RNF217: variants seen among roughly 807,000 people sequenced by gnomAD.
The protein encoded by RNF217 is E3 ubiquitin-protein ligase RNF217.
Under a neutral mutation model 57.8 loss-of-function variants are expected in RNF217, and 31 were observed. The ratio of observed to expected loss-of-function variants is 0.54; its 90% CI spans 0.40 to 0.72. RNF217 has a LOEUF of 0.72. RNF217 is among the 30% of genes least tolerant of loss of function. The pLI is 0.00. For synonymous variants in RNF217, 313 were observed against 294.0 expected (o/e 1.06, Z -0.66); for missense variants, 696 against 708.3 (o/e 0.98, Z 0.20).
intron 1 of RNF217, among the ~76,000 whole-genome samples, chr6:125,006,332 A>G (rs1018627162): frequency 1.3e-5 from 2 of 152,224 alleles, no homozygotes; most frequent in Non-Finnish European, 2.9e-5. Context: ...GCAGGTGATT[A>G]ATAATACTCA....
chr6:125,032,357 A>G (rs748269051), intron 1 of RNF217, among the ~76,000 whole-genome samples: 2 of 152,154 alleles, frequency 1.3e-5, no homozygotes, highest in Non-Finnish European at 2.9e-5. Context: ...CATACCCATA[A>G]TTCTTAATAA....
chr6:125,006,233 A>T (rs984567776), intron 1 of RNF217: 3 of 152,212 alleles, frequency 2.0e-5, no homozygotes, highest in Non-Finnish European at 4.4e-5. Context: ...AAGAAAAATA[A>T]GTTATGAACT....
At chr6:124,976,705 A>G (rs1362199562) in intron 1 of RNF217, among the ~76,000 whole-genome samples, 3 of 151,292 alleles carry the variant, frequency 2.0e-5, no homozygotes, top group Admixed American at 6.6e-5. Context: ...GGGTTTCACC[A>G]TGTTGACCAG....
In RNF217 at chr6:125,081,634, T is replaced by C. The variant is rs775825077; in HGVS notation, c.1555+127T>C. ...ATTTATGTTGTATGCCTGCTTTAGA[T>C]AGATTACCAGCATATCATTTAAAAG... On this transcript the variant is annotated intron_variant, in intron 5 of 5. Transcript: ENST00000521654. 83 of 718,834 alleles carry C rather than the reference T, an allele frequency of 1.2e-4. 2 individuals carry two copies. In the Middle Eastern group the frequency reaches 0.011, roughly 98 times the overall value. The allele number at this position is 718,834 out of a possible 1,614,324, so 44.5% of individuals were successfully genotyped here. A position where few individuals can be genotyped will look rare whatever the true frequency, so the allele number is the denominator to read the frequency against.
At position 125,010,404 on chromosome 6, in the gene RNF217, G is replaced by A. The variant is rs538854202; in HGVS notation, c.883-34807G>A. ...TAATGCATGAAGTGACTTGATGTAA[G>A]AAGTTATAATAAGATATCTGCCTTA... On this transcript the variant is annotated intron_variant, in intron 1 of 5. Coordinates refer to ENST00000521654, the MANE Select transcript of RNF217 (RefSeq NM_001286398.3). Among the ~76,000 whole-genome samples the A allele has an allele frequency of 8.3e-4, 127 of 152,262 alleles. 3 individuals are homozygous for A. In the South Asian group the frequency reaches 0.025, roughly 30 times the overall value.
Position 124,992,407 on chromosome 6 carries a change from A to G in RNF217, c.882+28981A>G, listed in dbSNP as rs147850446. Among the ~76,000 whole-genome samples the G allele has an allele frequency of 1.6e-3, 248 of 152,300 alleles. 1 individual carries two copies. The highest frequency in any genetic ancestry group is 5.7e-3 in the African/African-American group (237 of 41,568). On this transcript the variant is annotated intron_variant, in intron 1 of 5. Coordinates refer to ENST00000521654, the MANE Select transcript of RNF217 (RefSeq NM_001286398.3). ...GTCAAGCAGGAGAAAATAAGAAACT[A>G]AGAGGCTATAGAACATTGATTTTAA...
At chr6:125,059,264 C>CT (rs1399905475) in intron 3 of RNF217, among the ~76,000 whole-genome samples, 2 of 152,084 alleles carry the variant, frequency 1.3e-5, no homozygotes, top group African/African-American at 4.8e-5. Context: ...CTAAAGTTTT[C>CT]TTTGTTTTCC....
chr6:125,028,957 A>G (rs1786230143), intron 1 of RNF217, among the ~76,000 whole-genome samples: 1 of 152,122 alleles, frequency 6.6e-6, no homozygotes, highest in Non-Finnish European at 1.5e-5. Flanking sequence ...CAGTTGTAAC[A>G]TGTGAGAAAA....
intron 4 of RNF217, among the ~76,000 whole-genome samples, chr6:125,077,960 C>A (rs929048338): frequency 6.6e-6 from 1 of 152,134 alleles, no homozygotes; most frequent in Non-Finnish European, 1.5e-5. Flanking sequence ...AAAGATAGAA[C>A]ATGTATACGC....
rs547184702 is a variant in RNF217 at position 124,990,448 on chromosome 6, T to C, written c.882+27022T>C. On this transcript the variant is annotated intron_variant, in intron 1 of 5. Coordinates refer to ENST00000521654, the MANE Select transcript of RNF217 (RefSeq NM_001286398.3). Reference sequence around the variant, plus strand: ...TATAAGAGATATCTCAAATTTGACATCTCAAAAACTCAGTTCTTTTATATT... The same window carrying C: ...TATAAGAGATATCTCAAATTTGACACCTCAAAAACTCAGTTCTTTTATATT... 5.3e-5 allele frequency among the ~76,000 whole-genome samples: 8 copies of C among 152,314 alleles called. No individual in the cohort carries two copies. The East Asian group carries it at 1.5e-3, about 29-fold the overall frequency.
At chr6:125,049,732 C>A (rs147922621) in intron 2 of RNF217, among the ~76,000 whole-genome samples, 1 of 151,920 alleles carries the variant, frequency 6.6e-6, no homozygotes, top group African/African-American at 2.4e-5. Flanking sequence ...GCAGAATGAG[C>A]AACCCTGGGT....
intron 1 of RNF217, among the ~76,000 whole-genome samples, chr6:125,034,291 A>G (rs887273169): frequency 2.0e-5 from 3 of 152,154 alleles, no homozygotes; most frequent in Non-Finnish European, 2.9e-5. Context: ...CCTGAATGGT[A>G]ATGCCTAGGT....
intron 1 of RNF217, chr6:124,983,527 T>C (rs1784253113): frequency 4.3e-5 from 42 of 975,292 alleles, no homozygotes; most frequent in Non-Finnish European, 4.9e-5. Context: ...TAAAGGTAGA[T>C]ACTAAATACT....
At chr6:124,995,603 G>A (rs560361243) in intron 1 of RNF217, among the ~76,000 whole-genome samples, 9 of 152,118 alleles carry the variant, frequency 5.9e-5, no homozygotes, top group Admixed American at 3.3e-4. Context: ...AATATAACCC[G>A]ATTTACTTAC....
At chr6:125,061,232 A>C (rs1787721680) in intron 3 of RNF217, among the ~76,000 whole-genome samples, 1 of 152,162 alleles carries the variant, frequency 6.6e-6, no homozygotes, top group Non-Finnish European at 1.5e-5. Context: ...TTTAGTATTT[A>C]GCACATATTG....
intron 2 of RNF217, among the ~76,000 whole-genome samples, chr6:125,045,882 T>C (rs1218538038): frequency 6.6e-6 from 1 of 152,050 alleles, no homozygotes; most frequent in Non-Finnish European, 1.5e-5. Flanking sequence ...CAGAATGCTG[T>C]ATATGCTAGG....
chr6:125,067,048 T>A lies in RNF217; in HGVS notation c.1281+8942T>A, dbSNP rs76674333. 1.8e-3 allele frequency among the ~76,000 whole-genome samples: 267 copies of A among 152,274 alleles called. 1 individual carries two copies. The highest frequency in any genetic ancestry group is 6.0e-3 in the African/African-American group (251 of 41,560). On this transcript the variant is annotated intron_variant, in intron 3 of 5. Coordinates refer to ENST00000521654, the MANE Select transcript of RNF217 (RefSeq NM_001286398.3). The stretch of plus-strand genomic sequence containing the variant: ...AAGGACTCAACACCATCTTGAGGAA[T>A]CCAAGGGAGCTAGGTTGTGGAGGAT...
chr6:125,053,340 G>A (rs995217195), intron 2 of RNF217, among the ~76,000 whole-genome samples: 6 of 152,076 alleles, frequency 3.9e-5, no homozygotes, highest in African/African-American at 1.4e-4. Flanking sequence ...GCTACTTGAA[G>A]GTGCCCAATA....
At chr6:125,082,750 A>T in intron 5 of RNF217, 114 bp from the exon 6 acceptor site, 2 of 1,147,104 alleles carry the variant, frequency 1.7e-6, no homozygotes, top group South Asian at 2.7e-5. Context: ...CATAGCATAG[A>T]TGTCTTCTTC....
Sources: gnomAD v4.1 joint callset for allele counts (sites outside exome capture counted in the v4.1 genomes callset) on GRCh38, gnomAD v4.1.1 for gene constraint, MANE v1.5 for transcripts, NCBI Gene and HGNC (gene_info 2026-07-23, HGNC 2026-07-21) for gene names.